LITAF: variants seen among roughly 807,000 people sequenced by gnomAD.
LITAF encodes lipopolysaccharide induced TNF factor.
LITAF carries 9 observed loss-of-function variants against 14.5 expected under a neutral mutation model. The ratio of observed to expected loss-of-function variants is 0.62; its 90% confidence interval spans 0.37 to 1.08. LITAF has a LOEUF of 1.08. Ranked by LOEUF, LITAF falls within the 50% of genes least tolerant of loss-of-function variation. The probability of loss-of-function intolerance (pLI) is 0.01; values close to 1 mark genes in which losing one functional copy is unlikely to be tolerated. For synonymous variants in LITAF, 98 were observed against 88.2 expected, an observed-to-expected ratio of 1.11 and a Z score of -0.62; for missense variants, 206 against 213.4, an observed-to-expected ratio of 0.97 and a Z score of 0.22.
At chr16:11,588,101 C>G (rs113046575), upstream of LITAF, among the ~76,000 whole-genome samples, 1 of 152,122 alleles carries the variant, frequency 6.6e-6, no homozygotes, top group South Asian at 2.1e-4. Flanking sequence ...CACCCTCAGC[C>G]GTGGACGAGT....
chr16:11,572,342 T>A (rs1204436880), intron 1 of LITAF, among the ~76,000 whole-genome samples: 1 of 150,526 alleles, frequency 6.6e-6, no homozygotes, highest in East Asian at 2.0e-4. Flanking sequence ...ACACCCCGAG[T>A]CCTCATGCAT....
intron 3 of LITAF, among the ~76,000 whole-genome samples, chr16:11,614,298 C>CTTTTTT (rs34958536): frequency 1.0e-4 from 14 of 134,938 alleles, no homozygotes; most frequent in South Asian, 2.3e-4. Context: ...TTTTTCTTTT[C>CTTTTTT]TTTTTTTTTT....
At chr16:11,563,775 G>T (rs1290723347) in intron 1 of LITAF, among the ~76,000 whole-genome samples, 1 of 152,162 alleles carries the variant, frequency 6.6e-6, no homozygotes, top group African/African-American at 2.4e-5. Context: ...ATGAAATTCT[G>T]AGAGAGCTCA....
intron 1 of LITAF, among the ~76,000 whole-genome samples, chr16:11,595,277 G>C (rs936948011): frequency 1.3e-5 from 2 of 152,218 alleles, no homozygotes; most frequent in Non-Finnish European, 2.9e-5. Context: ...CAGGAGGCTT[G>C]CCTGAGGTTA....
chr16:11,557,277 C>T (rs2064288890), intron 1 of LITAF, among the ~76,000 whole-genome samples: 1 of 150,316 alleles, frequency 6.7e-6, no homozygotes, highest in African/African-American at 2.5e-5. Flanking sequence ...GGAGCGGTTA[C>T]TCTTGGAAGA....
chr16:11,613,264 G>A (rs541236062), intron 3 of LITAF, among the ~76,000 whole-genome samples: 15 of 152,040 alleles, frequency 9.9e-5, no homozygotes, highest in Non-Finnish European at 1.8e-4. Context: ...GGTCTCGAAC[G>A]CCTGACCTCA....
intron 1 of LITAF, among the ~76,000 whole-genome samples, chr16:11,571,577 G>A (rs76352999): frequency 6.6e-6 from 1 of 152,174 alleles, no homozygotes; most frequent in African/African-American, 2.4e-5. Flanking sequence ...GGGGGCACCA[G>A]GCAGAGGTCA....
chr16:11,574,600 G>C (rs888361575), intron 1 of LITAF, among the ~76,000 whole-genome samples: 3 of 151,942 alleles, frequency 2.0e-5, no homozygotes, highest in Non-Finnish European at 4.4e-5. Context: ...CTCCATCCTG[G>C]GTCCTTCCCG....
intron 3 of LITAF, among the ~76,000 whole-genome samples, chr16:11,609,915 T>C (rs2064973728): frequency 6.6e-6 from 1 of 152,184 alleles, no homozygotes; most frequent in African/African-American, 2.4e-5. Context: ...GATGCTGAAA[T>C]CACACCCCAC....
At chr16:11,593,002 G>A (rs534708742) in intron 1 of LITAF, among the ~76,000 whole-genome samples, 2 of 152,086 alleles carry the variant, frequency 1.3e-5, no homozygotes, top group South Asian at 2.1e-4. Context: ...AACCCCGTCT[G>A]TACTAAAAAT....
chr16:11,598,875 AG>A (rs1702769681), upstream of LITAF, among the ~76,000 whole-genome samples: 1 of 152,134 alleles, frequency 6.6e-6, no homozygotes, highest in African/African-American at 2.4e-5. Flanking sequence ...GCTGGAGTGC[AG>A]TGGCGCAATC....
intron 3 of LITAF, chr16:11,551,606 A>C (rs374252166): frequency 3.8e-5 from 19 of 506,628 alleles, no homozygotes; most frequent in African/African-American, 2.0e-4. Context: ...GGACTGCTTG[A>C]GTCCAGGAGT....
chr16:11,615,308 A>C (rs2065010467), intron 3 of LITAF, among the ~76,000 whole-genome samples: 1 of 152,172 alleles, frequency 6.6e-6, no homozygotes, highest in Non-Finnish European at 1.5e-5. Context: ...AGGCTGAGGC[A>C]GGTGGATCAC....
At chr16:11,638,082 ATC>A (rs1468394141), upstream of LITAF, among the ~76,000 whole-genome samples, 7 of 128,494 alleles carry the variant, frequency 5.4e-5, no homozygotes, top group African/African-American at 1.3e-4. Flanking sequence ...ATATATCTAT[ATC>A]TATCTATCTA....
At chr16:11,569,804 AG>A (rs2064513248) in intron 1 of LITAF, among the ~76,000 whole-genome samples, 1 of 152,152 alleles carries the variant, frequency 6.6e-6, no homozygotes, top group African/African-American at 2.4e-5. Context: ...AGACAGAGGC[AG>A]GTGGATCACT....
intron 2 of LITAF, chr16:11,633,749 C>G (rs1450459667): frequency 6.6e-6 from 1 of 152,208 alleles, no homozygotes; most frequent in African/African-American, 2.4e-5. Flanking sequence ...GCTGCTCTGT[C>G]TAAGGAGTGG....
chr16:11,592,426 A>C (rs1275659411), intron 1 of LITAF, among the ~76,000 whole-genome samples: 1 of 152,026 alleles, frequency 6.6e-6, no homozygotes, highest in Non-Finnish European at 1.5e-5. Flanking sequence ...AAATACAAAA[A>C]TTAGCCAGGC....
chr16:11,568,686 T>TTTG (rs1555468735), intron 1 of LITAF, among the ~76,000 whole-genome samples: 1 of 149,500 alleles, frequency 6.7e-6, no homozygotes, highest in African/African-American at 2.5e-5. Flanking sequence ...TTTTTTTGTT[T>TTTG]TTTTTTTTTT....
At chr16:11,583,058 G>T (rs1045763539) in intron 1 of LITAF, among the ~76,000 whole-genome samples, 10 of 152,192 alleles carry the variant, frequency 6.6e-5, no homozygotes, top group African/African-American at 2.4e-4. Context: ...CGGACCTCCA[G>T]CTCTTTGGGA....
Sources: gnomAD v4.1 joint callset for allele counts (sites outside exome capture counted in the v4.1 genomes callset) on GRCh38, gnomAD v4.1.1 for gene constraint, MANE v1.5 for transcripts, NCBI Gene and HGNC (gene_info 2026-07-23, HGNC 2026-07-21) for gene names.